Variants in GPHN observed in about 807,000 individuals in gnomAD.
The protein encoded by GPHN is gephyrin.
In GPHN, 17 loss-of-function variants were observed where a neutral mutation model predicts 95.5. The observed-to-expected ratio is 0.18, with a 90% CI of 0.12 to 0.27. GPHN has a LOEUF of 0.27. GPHN is among the 10% of genes least tolerant of loss of function. The pLI, the probability that GPHN is intolerant of heterozygous loss-of-function variation, is 1.00. For synonymous variants in GPHN, 320 were observed against 322.5 expected (o/e 0.99, Z 0.08); for missense variants, 660 against 978.1 (o/e 0.67, Z 4.34).
At chr14:67,720,303 C>A in the GPHN span, among the ~76,000 whole-genome samples, 1 of 152,134 alleles carries the variant, frequency 6.6e-6, no homozygotes, top group Non-Finnish European at 1.5e-5. Context: ...GTCTTCAAAG[C>A]CTGTTATGAA....
At chr14:66,588,613 G>T (rs1032825081) in intron 1 of GPHN, among the ~76,000 whole-genome samples, 1 of 151,958 alleles carries the variant, frequency 6.6e-6, no homozygotes, top group African/African-American at 2.4e-5. Flanking sequence ...TAGGCGAATC[G>T]ATCAAGCGGA....
chr14:67,369,224 TTAA>T, the GPHN span, among the ~76,000 whole-genome samples: 1 of 152,218 alleles, frequency 6.6e-6, no homozygotes, highest in Non-Finnish European at 1.5e-5. Context: ...ACAGTGTCTA[TTAA>T]TATTAGATAA....
intron 1 of GPHN, among the ~76,000 whole-genome samples, chr14:66,559,454 C>T (rs1214786790): frequency 2.1e-5 from 3 of 145,492 alleles, no homozygotes; most frequent in African/African-American, 2.6e-5. Context: ...GATGGTATCT[C>T]ATTGTGGTTT....
At chr14:66,795,552 A>G (rs1036469252) in intron 3 of GPHN, among the ~76,000 whole-genome samples, 2 of 152,112 alleles carry the variant, frequency 1.3e-5, no homozygotes, top group East Asian at 1.9e-4. Context: ...AACTTGTTAT[A>G]TATTCTTCGA....
chr14:66,623,954 G>A (rs961340170), intron 1 of GPHN, among the ~76,000 whole-genome samples: 3 of 152,242 alleles, frequency 2.0e-5, no homozygotes, highest in African/African-American at 7.2e-5. Flanking sequence ...AGCTACATGA[G>A]GGAGGAAACA....
chr14:67,465,284 G>A, the GPHN span, among the ~76,000 whole-genome samples: 1 of 152,342 alleles, frequency 6.6e-6, no homozygotes, highest in East Asian at 1.9e-4. Flanking sequence ...GAGAAAGAGT[G>A]TTCCAGGGAG....
the GPHN span, chr14:67,312,505 T>C: frequency 6.7e-7 from 1 of 1,498,420 alleles, no homozygotes; most frequent in Non-Finnish European, 9.0e-7. Context: ...TTATTGTTGT[T>C]TTTGCCCTTT....
chr14:66,851,678 G>A (rs994133489), intron 4 of GPHN, among the ~76,000 whole-genome samples: 8 of 152,110 alleles, frequency 5.3e-5, no homozygotes, highest in African/African-American at 1.9e-4. Context: ...GGAAAAGTAG[G>A]TAAGGTCAGA....
intron 8 of GPHN, among the ~76,000 whole-genome samples, chr14:66,964,046 T>A (rs1341826168): frequency 6.6e-6 from 1 of 152,218 alleles, no homozygotes; most frequent in African/African-American, 2.4e-5. Flanking sequence ...TTAGAAGACG[T>A]ATGCCCGTTA....
At chr14:67,220,383 A>G in the GPHN span, among the ~76,000 whole-genome samples, 1 of 152,200 alleles carries the variant, frequency 6.6e-6, no homozygotes. Flanking sequence ...TCAAGGCTGC[A>G]AAGAGCCATG....
the GPHN span, among the ~76,000 whole-genome samples, chr14:67,378,124 T>TA: frequency 9.2e-3 from 1,231 of 134,236 alleles, 25 homozygotes; most frequent in East Asian, 0.063. Context: ...CCTTGTCTCT[T>TA]AAAAAAAAAA....
chr14:67,331,495 A>T, the GPHN span, among the ~76,000 whole-genome samples: 1 of 152,132 alleles, frequency 6.6e-6, no homozygotes, highest in Non-Finnish European at 1.5e-5. Context: ...TGAATCTCTG[A>T]ATCTGTTCTG....
At chr14:67,388,257 C>T in the GPHN span, 17 of 1,613,412 alleles carry the variant, frequency 1.1e-5, no homozygotes, top group African/African-American at 1.3e-5. Flanking sequence ...AGAGCAGACA[C>T]GAGTGAACCA....
chr14:67,106,975 C>T (rs117450515), intron 13 of GPHN, among the ~76,000 whole-genome samples: 1,838 of 152,004 alleles, frequency 0.012, 19 homozygotes, highest in Non-Finnish European at 0.018. Context: ...TTTGTAGAGA[C>T]GCCTGTAGTT....
In GPHN at chr14:67,107,492, C is replaced by A. The variant is rs551460420; in HGVS notation, c.1294-2648C>A. 2.3e-4 allele frequency among the ~76,000 whole-genome samples: 35 copies of A among 152,268 alleles called. No individual in the cohort carries two copies. The South Asian group carries it at 5.0e-3, about 22-fold the overall frequency. On this transcript the variant is annotated intron_variant, in intron 13 of 22. Transcript: ENST00000478722. ...CCCTGGTTGTACCTGTGATTTTATACCTCATGGGTAGGGTGTAGTACTGAC... is the reference window on the plus strand; with the variant it reads ...CCCTGGTTGTACCTGTGATTTTATAACTCATGGGTAGGGTGTAGTACTGAC...
chr14:66,620,019 A>T (rs1830479286), intron 1 of GPHN, among the ~76,000 whole-genome samples: 1 of 152,020 alleles, frequency 6.6e-6, no homozygotes, highest in African/African-American at 2.4e-5. Context: ...TAAGTGTTGG[A>T]TATATGGAGT....
At chr14:66,712,260 C>A (rs1270617504) in intron 2 of GPHN, among the ~76,000 whole-genome samples, 1 of 152,140 alleles carries the variant, frequency 6.6e-6, no homozygotes, top group Admixed American at 6.5e-5. Flanking sequence ...CTGTTGTTTC[C>A]TGACTTTTTA....
rs779889907 is a variant in GPHN, at chr14:66,986,162, TCAC to T, written c.963+20840_963+20842del. Among the ~76,000 whole-genome samples the T allele has an allele frequency of 8.1e-5, 12 of 148,824 alleles. No individual in the cohort carries two copies. The East Asian group carries it at 2.0e-3, about 25-fold the overall frequency. ...TAATTTTAATGTTATTTTGGTATCA[TCAC>T]CATTTATAGTTCATTTCAGAGAAAA... is the stretch of plus-strand genomic sequence containing the variant. On this transcript the variant is annotated intron_variant, in intron 9 of 22. Coordinates refer to ENST00000478722, the MANE Select transcript of GPHN (RefSeq NM_020806.5).
chr14:67,116,195 C>T (rs2078679754), intron 16 of GPHN, among the ~76,000 whole-genome samples: 2 of 151,524 alleles, frequency 1.3e-5, no homozygotes, highest in Non-Finnish European at 2.9e-5. Context: ...ACTCAGGAGG[C>T]TGAGGCAGAG....
Sources: allele counts gnomAD v4.1 joint callset (sites outside exome capture counted in the v4.1 genomes callset), GRCh38; gene constraint gnomAD v4.1.1; transcripts MANE v1.5; gene names NCBI Gene and HGNC (gene_info 2026-07-23, HGNC 2026-07-21).